Variants in BAZ2B observed in about 807,000 individuals in gnomAD.
BAZ2B encodes the protein bromodomain adjacent to zinc finger domain protein 2B.
A neutral mutation model predicts 246.0 loss-of-function variants in BAZ2B; 91 were observed. That is an observed-to-expected ratio of 0.37 (90% CI 0.31 to 0.44). The LOEUF is 0.44. Ranked by LOEUF, BAZ2B falls within the 20% of genes least tolerant of loss-of-function variation. The pLI is 1.00. For missense variants in BAZ2B, 2,332 were observed against 2,533.7 expected, an observed-to-expected ratio of 0.92 and a Z score of 1.71; for synonymous variants, 855 against 860.0, an observed-to-expected ratio of 0.99 and a Z score of 0.10.
At chr2:159,674,751 G>A in the BAZ2B span, among the ~76,000 whole-genome samples, 109 of 150,282 alleles carry the variant, frequency 7.3e-4, no homozygotes, top group Non-Finnish European at 1.2e-3. Flanking sequence ...AAAACCTAAA[G>A]TTGAATACCT....
rs1251739222 is a variant in BAZ2B, at chr2:159,319,029, AAC to A, written c.*1234_*1235del. On this transcript the variant is annotated 3_prime_UTR_variant, in exon 37 of 37. Coordinates refer to ENST00000392783, the MANE Select transcript of BAZ2B (RefSeq NM_013450.4). The surrounding 1 kb of genome is among the most constrained non-coding windows in gnomAD (Gnocchi z 4.0). ...ATCCGTGCCACACATAGTGAAAAAT[AAC>A]ACTCCTAAAAAAAGAATGCTACCTT... 6.6e-6 allele frequency: 1 copy of A among 152,660 alleles called. No homozygotes were observed. Among genetic ancestry groups the A allele is most frequent in the African/African-American group, 2.4e-5 (1 of 41,458 alleles). The allele number at this position is 152,660 out of a possible 1,614,324, so 9.5% of individuals were successfully genotyped here.
intron 4 of BAZ2B, among the ~76,000 whole-genome samples, chr2:159,453,375 T>TCA (rs1306143982): frequency 6.6e-6 from 1 of 152,216 alleles, no homozygotes; most frequent in African/African-American, 2.4e-5. Flanking sequence ...CTCTCTCCTG[T>TCA]GACAGACACC....
At chr2:159,378,127 A>C (rs1325066498) in intron 25 of BAZ2B, among the ~76,000 whole-genome samples, 1 of 152,224 alleles carries the variant, frequency 6.6e-6, no homozygotes, top group Non-Finnish European at 1.5e-5. Context: ...AAAGGTGATT[A>C]ATTTTGGTCA....
At chr2:159,572,678 T>C (rs1578500010) in intron 1 of BAZ2B, among the ~76,000 whole-genome samples, 1 of 152,354 alleles carries the variant, frequency 6.6e-6, no homozygotes, top group East Asian at 1.9e-4. Flanking sequence ...TGCAATTCAT[T>C]TGTATTGAAT....
At chr2:159,405,719 T>C (rs2065827784) in intron 14 of BAZ2B, among the ~76,000 whole-genome samples, 1 of 74,544 alleles carries the variant, frequency 1.3e-5, no homozygotes, top group South Asian at 4.7e-4. Context: ...CTTATTTAAG[T>C]ACATTTTTTT....
chr2:159,418,933 T>A (rs11686505), intron 13 of BAZ2B, among the ~76,000 whole-genome samples: 50,454 of 151,722 alleles, frequency 0.33, 9,822 homozygotes, highest in Non-Finnish European at 0.47. Context: ...AGTAAAATAT[T>A]TGTGGGGTAT....
At chr2:159,636,097 C>T in the BAZ2B span, among the ~76,000 whole-genome samples, 9 of 152,208 alleles carry the variant, frequency 5.9e-5, no homozygotes, top group East Asian at 1.9e-4. Context: ...ACATGGATAA[C>T]GGGGGGCAGA....
the BAZ2B span, among the ~76,000 whole-genome samples, chr2:159,678,826 C>G: frequency 6.6e-6 from 1 of 152,142 alleles, no homozygotes; most frequent in East Asian, 1.9e-4. Context: ...ATTACTTTTG[C>G]AGTTTCACAA....
At chr2:159,495,252 G>A (rs74604044) in intron 2 of BAZ2B, among the ~76,000 whole-genome samples, 40,633 of 151,432 alleles carry the variant, frequency 0.27, 6,720 homozygotes, top group Non-Finnish European at 0.37. Flanking sequence ...TTGGGAGGCC[G>A]AGGCGGGCGG....
At position 159,349,095 on chromosome 2, in the gene BAZ2B, T is replaced by A. The variant is rs757596989; in HGVS notation, c.5049A>T (p.Pro1683=). ...GAGCTGAAGTGGCCTTTTCATTCTG[T>A]GGTACTGGAGATTCACTTTTACTTG... ...VASSKSESPV[P]QNEKATSAQP... is the part of the protein sequence containing the mutation. Residue 1683 remains proline (P), a synonymous_variant, in exon 29 of 37, where the codon CCA becomes CCT. Coordinates refer to ENST00000392783, the MANE Select transcript of BAZ2B (RefSeq NM_013450.4). 3 of 1,614,014 alleles carry A rather than the reference T, an allele frequency of 1.9e-6. No homozygotes were observed. In the African/African-American group the frequency reaches 4.0e-5, roughly 22 times the overall value.
downstream of BAZ2B, among the ~76,000 whole-genome samples, chr2:159,318,084 T>C (rs3670): frequency 0.053 from 8,133 of 152,264 alleles, 483 homozygotes; most frequent in Admixed American, 0.2. Flanking sequence ...TATGAGCCCC[T>C]GAGGCACCAG....
intron 23 of BAZ2B, among the ~76,000 whole-genome samples, chr2:159,384,108 A>G (rs915907501): frequency 6.6e-6 from 1 of 152,064 alleles, no homozygotes; most frequent in African/African-American, 2.4e-5. Context: ...TATATAAACA[A>G]CCAAACAGTA....
the BAZ2B span, among the ~76,000 whole-genome samples, chr2:159,702,517 T>A: frequency 6.6e-6 from 1 of 152,164 alleles, no homozygotes; most frequent in African/African-American, 2.4e-5. Flanking sequence ...TACAAAAAAA[T>A]TTTTATTTTA....
the BAZ2B span, among the ~76,000 whole-genome samples, chr2:159,683,071 T>C: frequency 6.6e-6 from 1 of 152,164 alleles, no homozygotes; most frequent in East Asian, 1.9e-4. Flanking sequence ...TCTATGTACT[T>C]GTATAGAGTT....
intron 27 of BAZ2B, among the ~76,000 whole-genome samples, chr2:159,365,103 T>A (rs2060085942): frequency 6.6e-6 from 1 of 152,172 alleles, no homozygotes; most frequent in African/African-American, 2.4e-5. Context: ...TATATTATTA[T>A]ATATTGGGGT....
intron 1 of BAZ2B, among the ~76,000 whole-genome samples, chr2:159,585,358 A>C (rs138381160): frequency 6.6e-6 from 1 of 152,252 alleles, no homozygotes; most frequent in African/African-American, 2.4e-5. Flanking sequence ...GTTGCAAAAA[A>C]TACAATGATT....
chr2:159,563,278 T>C (rs1017443914), intron 1 of BAZ2B, among the ~76,000 whole-genome samples: 2 of 152,186 alleles, frequency 1.3e-5, no homozygotes, highest in African/African-American at 4.8e-5. Context: ...AGGGACTACA[T>C]AATCCTGGTC....
In BAZ2B at chr2:159,400,778, CA is replaced by C. The variant is rs1469630495; in HGVS notation, c.2833-115del. On this transcript the variant is annotated intron_variant, in intron 16 of 36. Coordinates refer to ENST00000392783, the MANE Select transcript of BAZ2B (RefSeq NM_013450.4). ...AGTACAGGTCAGGCGCAGTGGCTCA[CA>C]CCTGTAATCCCAGCACTTTGGGAGG... The C allele has an allele frequency of 4.4e-5, 25 of 570,348 alleles. No individual in the cohort carries two copies. In the East Asian group the frequency reaches 9.3e-4, roughly 21 times the overall value. The allele number at this position is 570,348 out of a possible 1,614,324, so 35.3% of individuals were successfully genotyped here. A position where few individuals can be genotyped will look rare whatever the true frequency, so the allele number is the denominator to read the frequency against.
At chr2:159,655,890 T>G in the BAZ2B span, among the ~76,000 whole-genome samples, 9 of 152,182 alleles carry the variant, frequency 5.9e-5, no homozygotes, top group African/African-American at 2.4e-5. Flanking sequence ...TGAATGTAAG[T>G]TTTTAAAAAT....
Sources: allele counts gnomAD v4.1 joint callset (sites outside exome capture counted in the v4.1 genomes callset), GRCh38; gene constraint gnomAD v4.1.1; non-coding constraint Gnocchi (gnomAD v3.1); transcripts MANE v1.5; gene names NCBI Gene and HGNC (gene_info 2026-07-23, HGNC 2026-07-21).